The following LCT variants were observed in gnomAD, a reference collection of about 807,000 sequenced individuals.
LCT encodes lactase/phlorizin hydrolase.
Under a neutral mutation model 173.0 loss-of-function variants are expected in LCT, and 90 were observed. The ratio of observed to expected loss-of-function variants is 0.52; its 90% CI spans 0.44 to 0.62. LCT has a LOEUF of 0.62. Ranked by LOEUF, LCT falls within the 20% of genes least tolerant of loss-of-function variation. The probability of loss-of-function intolerance (pLI) is 0.00; values close to 1 mark genes in which losing one functional copy is unlikely to be tolerated. For missense variants in LCT, 1,864 were observed against 2,431.4 expected (o/e 0.77, Z 4.91); for synonymous variants, 853 against 957.6 (o/e 0.89, Z 2.02).
intron 14 of LCT, among the ~76,000 whole-genome samples, chr2:135,792,078 TGAGAA>T (rs2077536999): frequency 6.6e-6 from 1 of 152,062 alleles, no homozygotes. Context: ...TCCCAAAGTG[TGAGAA>T]GGGGAAAGTC....
chr2:135,822,261 A>G, intron 4 of LCT, 163 bp from the exon 5 acceptor site: 1 of 627,350 alleles, frequency 1.6e-6, no homozygotes, highest in Middle Eastern at 2.5e-4. Flanking sequence ...AAAGCTTAGA[A>G]GTGAATTCTA....
In LCT at chr2:135,809,573, T is replaced by C; in HGVS notation, c.2774A>G (p.Asp925Gly). Reference sequence around the variant, plus strand: ...ATCCCAGATGCTGGGGCCTTTGCCATCGGCATCCCACGCGCCTTCAATCTG... The same window carrying C: ...ATCCCAGATGCTGGGGCCTTTGCCACCGGCATCCCACGCGCCTTCAATCTG... ...AYQIEGAWDA[D>G]GKGPSIWDNF... is the part of the protein sequence containing the mutation. Residue 925 changes from aspartate (D) to glycine (G), a missense_variant, in exon 8 of 17, where the codon GAT becomes GGT. By Grantham distance (94) the Asp-to-Gly change is moderately conservative. This residue lies in a region of LCT where 755 missense variants were observed against 926.3 expected (regional missense o/e 0.82). Transcript: ENST00000264162. This position sits in a 1 kb window ranked among gnomAD's most constrained non-coding sequence, Gnocchi z 5.5. 1 of 1,614,254 alleles carries C rather than the reference T, an allele frequency of 6.2e-7. No homozygotes were observed. The highest frequency in any genetic ancestry group is 8.5e-7 in the Non-Finnish European group (1 of 1,180,050).
intron 16 of LCT, 45 bp from the exon 17 acceptor site, chr2:135,788,589 T>G (rs1553650674): frequency 1.4e-5 from 18 of 1,246,588 alleles, no homozygotes; most frequent in Non-Finnish European, 2.0e-5. Flanking sequence ...GGCGCTGATT[T>G]GAGTTCTCAG....
rs781433818 is a variant in LCT at position 135,809,534 on chromosome 2, G to A, written c.2813C>T (p.Thr938Ile). The change falls in exon 8 of 17, where the codon ACA becomes ATA. Residue 938 changes from threonine to isoleucine, a missense_variant. Transcript: ENST00000264162. This position sits in a 1 kb window ranked among gnomAD's most constrained non-coding sequence, Gnocchi z 5.5. ...ATTGTCTTTCACATTGCTCCCTGGTGTGTGGGTAAAGTTATCCCAGATGCT... is the reference window on the plus strand; with the variant it reads ...ATTGTCTTTCACATTGCTCCCTGGTATGTGGGTAAAGTTATCCCAGATGCT... The part of the protein sequence containing the change: ...GPSIWDNFTH[T>I]PGSNVKDNAT... The A allele has an allele frequency of 3.7e-5, 60 of 1,614,118 alleles. 1 individual carries two copies. The South Asian group carries it at 3.8e-4, about 10-fold the overall frequency.
chr2:135,816,740 C>A (rs2077783709), intron 6 of LCT, among the ~76,000 whole-genome samples: 2 of 152,226 alleles, frequency 1.3e-5, no homozygotes, highest in South Asian at 4.1e-4. Context: ...TACTCACTAG[C>A]AATGTCATCA....
chr2:135,821,691 TG>T (rs2077832843), intron 5 of LCT: 1 of 335,434 alleles, frequency 3.0e-6, no homozygotes, highest in Non-Finnish European at 5.6e-6. Context: ...AGTTTCACCA[TG>T]TTGCCCAGCC....
chr2:135,814,530 T>C lies in LCT; in HGVS notation c.1708-1574A>G, dbSNP rs539939071. ...TAAAATAATAAAATACCTTTTTTTT[T>C]TTTTTGAGATGGAGTCTCGCTCTGT... is the stretch of plus-strand genomic sequence containing the variant. On this transcript the variant is annotated intron_variant, in intron 6 of 16. Coordinates refer to ENST00000264162, the MANE Select transcript of LCT (RefSeq NM_002299.4). 2.2e-4 allele frequency among the ~76,000 whole-genome samples: 34 copies of C among 152,138 alleles called. No homozygotes were observed. In the Middle Eastern group the frequency reaches 0.01, roughly 46 times the overall value.
At chr2:135,807,095 G>A (rs2077682074) in intron 9 of LCT, 33 bp downstream of exon 9, 1 of 1,612,756 alleles carries the variant, frequency 6.2e-7, no homozygotes, top group Non-Finnish European at 8.5e-7. Context: ...CAGGTGTGCA[G>A]TCACTGGTGT....
intron 6 of LCT, among the ~76,000 whole-genome samples, chr2:135,815,831 A>G (rs2077777377): frequency 6.6e-6 from 1 of 151,754 alleles, no homozygotes; most frequent in Admixed American, 6.6e-5. Context: ...TCCCAAGTAG[A>G]TGGGATTACA....
At chr2:135,823,106 A>G (rs2077850370) in intron 4 of LCT, 1 of 152,822 alleles carries the variant, frequency 6.5e-6, no homozygotes. Flanking sequence ...CGCAGTCTAG[A>G]GTATTCTATT....
intron 2 of LCT, among the ~76,000 whole-genome samples, chr2:135,831,707 C>T (rs1423220961): frequency 1.3e-5 from 2 of 152,148 alleles, no homozygotes; most frequent in African/African-American, 4.8e-5. Flanking sequence ...TTGGTTCCAT[C>T]GTGTTTGAAA....
In LCT at chr2:135,836,972, C is replaced by A; in HGVS notation, c.198G>T (p.Gln66His). The A allele has an allele frequency of 1.2e-6, 2 of 1,614,152 alleles. No individual in the cohort carries two copies. Among genetic ancestry groups the A allele is most frequent in the South Asian group, 2.2e-5 (2 of 91,082 alleles). ...ATTCTGGCAGGAAAGTGGGCAGTGGCTGGTGACAAACATACATGTCTTTGT... is the reference window on the plus strand; with the variant it reads ...ATTCTGGCAGGAAAGTGGGCAGTGGATGGTGACAAACATACATGTCTTTGT... The part of the protein sequence containing the change: ...AGDKDMYVCH[Q>H]PLPTFLPEYF... Residue 66 changes from glutamine (Q) to histidine (H), a missense_variant, in exon 1 of 17, where the codon CAG (glutamine) becomes CAT (histidine). By Grantham distance (24) the Gln-to-His change is conservative (BLOSUM62 0). Transcript: ENST00000264162.
chr2:135,819,273 A>C (rs1356518789), intron 5 of LCT, among the ~76,000 whole-genome samples: 1 of 151,888 alleles, frequency 6.6e-6, no homozygotes, highest in Admixed American at 6.6e-5. Flanking sequence ...ATTCTAGTCC[A>C]TTTTCCTCCC....
At chr2:135,835,498 A>ATG (rs569070541) in intron 1 of LCT, among the ~76,000 whole-genome samples, 11 of 63,856 alleles carry the variant, frequency 1.7e-4, no homozygotes, top group Admixed American at 1.8e-4. Flanking sequence ...ATATATATAT[A>ATG]TATATATATA....
At chr2:135,825,409 T>G (rs2105550773) in intron 3 of LCT, among the ~76,000 whole-genome samples, 1 of 152,256 alleles carries the variant, frequency 6.6e-6, no homozygotes, top group South Asian at 2.1e-4. Context: ...GTCAATGCAG[T>G]GGGGACAAAT....
intron 2 of LCT, among the ~76,000 whole-genome samples, chr2:135,831,161 G>C (rs2077934686): frequency 2.0e-5 from 3 of 152,210 alleles, no homozygotes; most frequent in South Asian, 4.1e-4. Flanking sequence ...CAATGGCTAA[G>C]GGTCCGGGTG....
chr2:135,833,191 C>T lies in LCT; in HGVS notation c.641-1G>A. Reference sequence around the variant, plus strand: ...CGCAGGACAACAGAGAGTTTTCCGCCTGAAACCAACCAGAGACACGAACAG... The same window carrying T: ...CGCAGGACAACAGAGAGTTTTCCGCTTGAAACCAACCAGAGACACGAACAG... On this transcript the variant is annotated splice_acceptor_variant, in intron 1 of 16. Coordinates refer to ENST00000264162, the MANE Select transcript of LCT (RefSeq NM_002299.4). LOFTEE classifies it high-confidence loss of function. 6 of 1,613,358 alleles carry T rather than the reference C, an allele frequency of 3.7e-6. No individual in the cohort carries two copies. The highest frequency in any genetic ancestry group is 5.1e-6 in the Non-Finnish European group (6 of 1,179,434).
chr2:135,832,994 TC>T, intron 2 of LCT, 116 bp downstream of exon 2: 2 of 814,432 alleles, frequency 2.5e-6, no homozygotes, highest in Non-Finnish European at 4.4e-6. Context: ...CATACACCAC[TC>T]ATTCTGAGGC....
intron 14 of LCT, among the ~76,000 whole-genome samples, chr2:135,791,857 A>G (rs1467124072): frequency 1.3e-5 from 2 of 152,212 alleles, no homozygotes; most frequent in Non-Finnish European, 2.9e-5. Context: ...AAAGGAACAA[A>G]ATGAGATTTT....
Sources: gnomAD v4.1 joint callset for allele counts (sites outside exome capture counted in the v4.1 genomes callset) on GRCh38, gnomAD v4.1.1 for gene constraint, gnomAD v4.1.1 regional missense constraint, Gnocchi (gnomAD v3.1) non-coding constraint, MANE v1.5 for transcripts, NCBI Gene and HGNC (gene_info 2026-07-23, HGNC 2026-07-21) for gene names.